The following LRRC74A variants were observed in gnomAD, a reference collection of about 807,000 sequenced individuals.
LRRC74A encodes the protein leucine rich repeat containing 74A, also known as leucine-rich repeat-containing protein 74A.
In LRRC74A, 44 loss-of-function variants were observed where a neutral mutation model predicts 57.9. That is an observed-to-expected ratio of 0.76 (90% CI 0.60 to 0.98). The LOEUF is 0.98. Ranked by LOEUF, LRRC74A falls within the 50% of genes least tolerant of loss-of-function variation. The pLI is 0.00. For synonymous variants in LRRC74A, 211 were observed against 219.4 expected (o/e 0.96, Z 0.34); for missense variants, 572 against 574.0 (o/e 1.00, Z 0.04).
rs754699247 is a variant in LRRC74A, at chr14:76,860,752, G to A, written c.1113G>A (p.Pro371=). ...TGGACGGAGTGTATGCCGTTCACCCGCAGCTGGACGTGGTATTCAAGGCAG... is the reference window on the plus strand; with the variant it reads ...TGGACGGAGTGTATGCCGTTCACCCACAGCTGGACGTGGTATTCAAGGCAG... ...KTLDGVYAVH[P]QLDVVFKAVQ... is the part of the protein sequence containing the mutation. Residue 371 remains proline, a synonymous_variant, in exon 11 of 14, where the codon CCG becomes CCA. Transcript: ENST00000689127. 1.4e-5 allele frequency: 22 copies of A among 1,611,498 alleles called. No homozygotes were observed. The highest frequency in any genetic ancestry group is 4.5e-5 in the East Asian group (2 of 44,810).
At chr14:76,865,554 G>A (rs530957536) in intron 11 of LRRC74A, among the ~76,000 whole-genome samples, 69 of 152,274 alleles carry the variant, frequency 4.5e-4, no homozygotes, top group African/African-American at 1.3e-3. Context: ...CTGAACATCC[G>A]CGCGCCATCC....
At chr14:76,847,016 C>T (rs891599473) in intron 7 of LRRC74A, among the ~76,000 whole-genome samples, 1 of 152,038 alleles carries the variant, frequency 6.6e-6, no homozygotes, top group Non-Finnish European at 1.5e-5. Flanking sequence ...GTCGAACTGA[C>T]CTTTGGGTCA....
intron 13 of LRRC74A, among the ~76,000 whole-genome samples, chr14:76,868,082 G>A (rs1248627913): frequency 2.6e-5 from 4 of 152,204 alleles, no homozygotes; most frequent in East Asian, 1.9e-4. Flanking sequence ...CAATAGGCAC[G>A]CTCTGCAGCC....
chr14:76,859,970 G>A (rs1898179702), intron 10 of LRRC74A, among the ~76,000 whole-genome samples: 1 of 152,100 alleles, frequency 6.6e-6, no homozygotes, highest in South Asian at 2.1e-4. Context: ...GAGACATCGA[G>A]CCTGTATTAG....
chr14:76,847,664 A>G (rs61989408), intron 7 of LRRC74A, among the ~76,000 whole-genome samples: 1 of 151,504 alleles, frequency 6.6e-6, no homozygotes, highest in African/African-American at 2.4e-5. Flanking sequence ...ACAAACCTGC[A>G]CATGTACCCC....
At chr14:76,847,401 G>A (rs1897178362) in intron 7 of LRRC74A, among the ~76,000 whole-genome samples, 1 of 152,124 alleles carries the variant, frequency 6.6e-6, no homozygotes, top group Admixed American at 6.5e-5. Flanking sequence ...AACAGGGTTG[G>A]AGCTGGAGGA....
At chr14:76,831,922 T>C (rs1186197974) in intron 3 of LRRC74A, among the ~76,000 whole-genome samples, 1 of 152,216 alleles carries the variant, frequency 6.6e-6, no homozygotes, top group Admixed American at 6.5e-5. Flanking sequence ...ATCATGACTT[T>C]ATATAATTAT....
intron 3 of LRRC74A, among the ~76,000 whole-genome samples, chr14:76,835,285 C>T (rs1896243893): frequency 6.6e-6 from 1 of 151,922 alleles, no homozygotes; most frequent in East Asian, 1.9e-4. Flanking sequence ...AAGTTTAAGA[C>T]GAGCCTGGTG....
rs112669509 is a variant in LRRC74A, at chr14:76,863,185, A to AGTGTGTGTGTGTGTGTGT, written c.1200+2359_1200+2376dup. Among the ~76,000 whole-genome samples, 196 of 145,316 alleles carry AGTGTGTGTGTGTGTGTGT rather than the reference A, an allele frequency of 1.3e-3. 1 individual carries two copies. The highest frequency in any genetic ancestry group is 1.9e-3 in the African/African-American group (75 of 39,046). On this transcript the variant is annotated intron_variant, in intron 11 of 13. Transcript: ENST00000689127. ...TGGGGGTGTGTATTGCATGCATGTGAGTGTGTGTGTGTGTGTGTGTGTGTG... is the reference window on the plus strand; with the variant it reads ...TGGGGGTGTGTATTGCATGCATGTGAGTGTGTGTGTGTGTGTGTGTGTGTGTGTGTGTGTGTGTGTGTG...
chr14:76,861,168 G>T (rs1898275762), intron 11 of LRRC74A, among the ~76,000 whole-genome samples: 1 of 152,250 alleles, frequency 6.6e-6, no homozygotes, highest in Admixed American at 6.5e-5. Flanking sequence ...CTGGGTCACA[G>T]TCTCTTCACC....
intron 7 of LRRC74A, among the ~76,000 whole-genome samples, chr14:76,849,077 C>A (rs112226683): frequency 7.9e-5 from 12 of 152,240 alleles, no homozygotes; most frequent in African/African-American, 2.9e-4. Flanking sequence ...ATGGAAGCAC[C>A]TTTCCATGTG....
chr14:76,826,981 C>T (rs1158709990), intron 1 of LRRC74A, among the ~76,000 whole-genome samples: 2 of 152,160 alleles, frequency 1.3e-5, no homozygotes, highest in Non-Finnish European at 2.9e-5. Flanking sequence ...CCAGTTGATA[C>T]CACATTTATA....
At chr14:76,848,879 G>A (rs150744670) in intron 7 of LRRC74A, among the ~76,000 whole-genome samples, 19 of 152,308 alleles carry the variant, frequency 1.2e-4, no homozygotes, top group African/African-American at 4.6e-4. Context: ...AAAAATGGAC[G>A]AGGAAAGGGT....
At chr14:76,848,399 A>C (rs1897245312) in intron 7 of LRRC74A, among the ~76,000 whole-genome samples, 1 of 93,634 alleles carries the variant, frequency 1.1e-5, no homozygotes, top group Non-Finnish European at 2.5e-5. Context: ...ACTCCATCTC[A>C]AAAAAAAAAA....
At chr14:76,853,756 G>C (rs1897689385) in intron 9 of LRRC74A, among the ~76,000 whole-genome samples, 1 of 151,764 alleles carries the variant, frequency 6.6e-6, no homozygotes, top group South Asian at 2.1e-4. Flanking sequence ...TTTTTGTTTT[G>C]TTTTGTTTTG....
At chr14:76,827,071 T>G (rs1197985387) in intron 1 of LRRC74A, among the ~76,000 whole-genome samples, 1 of 152,358 alleles carries the variant, frequency 6.6e-6, no homozygotes, top group East Asian at 1.9e-4. Context: ...TTGGTGTTGT[T>G]TGTTTTTTTT....
chr14:76,839,170 T>C (rs2140271597), intron 5 of LRRC74A, among the ~76,000 whole-genome samples: 1 of 152,258 alleles, frequency 6.6e-6, no homozygotes, highest in South Asian at 2.1e-4. Flanking sequence ...ATGTATCTTT[T>C]AGGCACATGT....
intron 3 of LRRC74A, among the ~76,000 whole-genome samples, chr14:76,832,838 G>A (rs1262138489): frequency 1.3e-5 from 2 of 152,144 alleles, no homozygotes; most frequent in Admixed American, 1.3e-4. Flanking sequence ...GCAGAGCAGT[G>A]AAAAGGAACT....
At chr14:76,839,537 C>T (rs1006278579) in intron 5 of LRRC74A, among the ~76,000 whole-genome samples, 1 of 152,178 alleles carries the variant, frequency 6.6e-6, no homozygotes, top group African/African-American at 2.4e-5. Context: ...TCTAAAACTC[C>T]TAGAACTATA....
Sources: gnomAD v4.1 joint callset for allele counts (sites outside exome capture counted in the v4.1 genomes callset) on GRCh38, gnomAD v4.1.1 for gene constraint, MANE v1.5 for transcripts, NCBI Gene and HGNC (gene_info 2026-07-23, HGNC 2026-07-21) for gene names.